The following AFG2A variants were observed in gnomAD, a reference collection of about 807,000 sequenced individuals.
AFG2A encodes the protein ATPase family gene 2 protein homolog A.
At chr4:123,144,300 T>G in the AFG2A span, among the ~76,000 whole-genome samples, 1 of 152,126 alleles carries the variant, frequency 6.6e-6, no homozygotes, top group Admixed American at 6.6e-5. Context: ...TTTTTTCTAA[T>G]AGATACCTTT....
the AFG2A span, among the ~76,000 whole-genome samples, chr4:123,194,816 C>A: frequency 6.6e-6 from 1 of 152,154 alleles, no homozygotes; most frequent in Non-Finnish European, 1.5e-5. Context: ...GGGTGAGACA[C>A]ATACTAGCAG....
At chr4:122,931,445 ACG>A in the AFG2A span, among the ~76,000 whole-genome samples, 1 of 152,124 alleles carries the variant, frequency 6.6e-6, no homozygotes, top group Non-Finnish European at 1.5e-5. Context: ...AGAGGGAAAT[ACG>A]TATGTGTGTG....
At chr4:123,065,781 C>T in the AFG2A span, among the ~76,000 whole-genome samples, 13 of 151,956 alleles carry the variant, frequency 8.6e-5, no homozygotes, top group African/African-American at 3.1e-4. Context: ...TCACCAACTA[C>T]AGGAGACATT....
the AFG2A span, among the ~76,000 whole-genome samples, chr4:123,045,659 A>G: frequency 6.6e-6 from 1 of 152,188 alleles, no homozygotes; most frequent in African/African-American, 2.4e-5. Flanking sequence ...GCATTCTATC[A>G]GGTGATACTT....
chr4:122,923,252 C>G, the AFG2A span: 1 of 1,614,152 alleles, frequency 6.2e-7, no homozygotes, highest in South Asian at 1.1e-5. Flanking sequence ...TCTGCTGGAT[C>G]AGACTTCGCG....
At chr4:123,237,862 T>C in the AFG2A span, among the ~76,000 whole-genome samples, 1 of 151,738 alleles carries the variant, frequency 6.6e-6, no homozygotes, top group African/African-American at 2.4e-5. Flanking sequence ...TGAACTGAAA[T>C]AGGGTGGGGC....
chr4:123,280,603 T>A, the AFG2A span, among the ~76,000 whole-genome samples: 1 of 152,208 alleles, frequency 6.6e-6, no homozygotes, highest in African/African-American at 2.4e-5. Flanking sequence ...CATTCCTTGG[T>A]TCATGGCCTT....
At chr4:123,079,931 A>G in the AFG2A span, among the ~76,000 whole-genome samples, 27 of 151,540 alleles carry the variant, frequency 1.8e-4, no homozygotes, top group Non-Finnish European at 2.8e-4. Flanking sequence ...TTGTATTTTT[A>G]GTAGAGATGG....
the AFG2A span, among the ~76,000 whole-genome samples, chr4:123,128,047 G>A: frequency 6.6e-6 from 1 of 152,118 alleles, no homozygotes; most frequent in Non-Finnish European, 1.5e-5. Context: ...CTGAAAAACT[G>A]TCTTTGTGTA....
chr4:123,014,438 T>G, the AFG2A span, among the ~76,000 whole-genome samples: 6 of 152,246 alleles, frequency 3.9e-5, no homozygotes, highest in East Asian at 9.6e-4. Flanking sequence ...AAGTAGGTAG[T>G]TTTTTAAAAG....
the AFG2A span, among the ~76,000 whole-genome samples, chr4:122,967,273 G>A: frequency 6.6e-6 from 1 of 151,948 alleles, no homozygotes; most frequent in Admixed American, 6.6e-5. Context: ...GGTAGTGTGT[G>A]TCTGTAGTCC....
chr4:122,931,593 A>G, the AFG2A span, among the ~76,000 whole-genome samples: 1 of 152,102 alleles, frequency 6.6e-6, no homozygotes, highest in Non-Finnish European at 1.5e-5. Context: ...TATTTTCTTT[A>G]TTTTACAAAA....
the AFG2A span, among the ~76,000 whole-genome samples, chr4:123,075,137 G>T: frequency 2.0e-5 from 3 of 151,600 alleles, no homozygotes; most frequent in Non-Finnish European, 2.9e-5. Context: ...GTAGAGACGG[G>T]GTTTCACCAT....
the AFG2A span, chr4:122,979,263 A>G: frequency 6.2e-7 from 1 of 1,614,102 alleles, no homozygotes; most frequent in Non-Finnish European, 8.5e-7. Context: ...TCCTGAAAAA[A>G]CAGCCTAACC....
At chr4:123,252,929 A>T in the AFG2A span, among the ~76,000 whole-genome samples, 1 of 152,194 alleles carries the variant, frequency 6.6e-6, no homozygotes, top group East Asian at 1.9e-4. Flanking sequence ...ACTCATGCAC[A>T]TTGTTGAGTG....
the AFG2A span, among the ~76,000 whole-genome samples, chr4:123,149,896 C>G: frequency 1.4e-5 from 2 of 147,436 alleles, no homozygotes; most frequent in Non-Finnish European, 3.0e-5. Context: ...ACCTCCGTCT[C>G]CTAGGATCAA....
At chr4:122,926,212 GAGA>G in the AFG2A span, among the ~76,000 whole-genome samples, 3 of 152,320 alleles carry the variant, frequency 2.0e-5, no homozygotes, top group Non-Finnish European at 2.9e-5. Context: ...AGGGTGGAAG[GAGA>G]AGAAGAAAAC....
chr4:123,024,298 A>AC, the AFG2A span, among the ~76,000 whole-genome samples: 1 of 44,998 alleles, frequency 2.2e-5, no homozygotes, highest in African/African-American at 4.0e-5. Context: ...TAACGAACAG[A>AC]CCCCCCAAAA....
the AFG2A span, among the ~76,000 whole-genome samples, chr4:123,272,092 G>A: frequency 6.6e-6 from 1 of 152,158 alleles, no homozygotes; most frequent in African/African-American, 2.4e-5. Context: ...CCACTGATCA[G>A]CAAAGGTAGT....
Sources: allele counts gnomAD v4.1 joint callset (sites outside exome capture counted in the v4.1 genomes callset), GRCh38; gene constraint gnomAD v4.1.1; transcripts MANE v1.5; gene names NCBI Gene and HGNC (gene_info 2026-07-23, HGNC 2026-07-21).